TAF1B: variants seen among roughly 807,000 people sequenced by gnomAD.
TAF1B encodes the protein TATA-box binding protein associated factor, RNA polymerase I subunit B.
Under a neutral mutation model 83.9 loss-of-function variants are expected in TAF1B, and 61 were observed. The ratio of observed to expected loss-of-function variants is 0.73; its 90% CI spans 0.59 to 0.90. The LOEUF is 0.90. Ranked by LOEUF, TAF1B falls within the 40% of genes least tolerant of loss-of-function variation. TAF1B has a pLI of 0.00. For synonymous variants in TAF1B, 221 were observed against 224.6 expected (o/e 0.98, Z 0.14); for missense variants, 625 against 677.0 (o/e 0.92, Z 0.85).
intron 5 of TAF1B, among the ~76,000 whole-genome samples, chr2:9,864,133 C>T (rs758794668): frequency 6.6e-5 from 10 of 151,988 alleles, no homozygotes; most frequent in Non-Finnish European, 1.3e-4. Context: ...CACAAAAAAC[C>T]CTTCGAAAAA....
chr2:9,855,964 A>G (rs1663551877), intron 5 of TAF1B, among the ~76,000 whole-genome samples: 1 of 152,196 alleles, frequency 6.6e-6, no homozygotes, highest in African/African-American at 2.4e-5. Flanking sequence ...CAAGTAAGGG[A>G]CCATCTATAG....
intron 8 of TAF1B, among the ~76,000 whole-genome samples, chr2:9,898,428 G>A (rs544238097): frequency 6.6e-6 from 1 of 152,312 alleles, no homozygotes; most frequent in South Asian, 2.1e-4. Flanking sequence ...GGTAGAATTA[G>A]CAGATAACCA....
intron 8 of TAF1B, among the ~76,000 whole-genome samples, chr2:9,896,836 C>G (rs928987830): frequency 6.6e-6 from 1 of 152,102 alleles, no homozygotes; most frequent in Non-Finnish European, 1.5e-5. Flanking sequence ...GAGTCTGAGT[C>G]TTCCTGCCAT....
rs761308886 is a variant in TAF1B at position 9,851,661 on chromosome 2, G to A, written c.303+23G>A. 3 of 1,571,038 alleles carry A rather than the reference G, an allele frequency of 1.9e-6. No homozygotes were observed. In the South Asian group the frequency reaches 3.5e-5, roughly 18 times the overall value. ...AAGGTAAGTACATTTGTGACTAGAT[G>A]TTAGCTTTACATATTTTTGTTTAAA... On this transcript the variant is annotated intron_variant, in intron 4 of 14. Transcript: ENST00000263663.
chr2:9,867,880 A>G (rs749184531), intron 5 of TAF1B, among the ~76,000 whole-genome samples: 3 of 152,252 alleles, frequency 2.0e-5, no homozygotes, highest in Non-Finnish European at 4.4e-5. Flanking sequence ...GGCGTAGTTC[A>G]GGCAGGAGAA....
At chr2:9,859,372 A>C (rs1326416258) in intron 5 of TAF1B, among the ~76,000 whole-genome samples, 1 of 149,530 alleles carries the variant, frequency 6.7e-6, no homozygotes, top group African/African-American at 2.5e-5. Flanking sequence ...TTCATTGTCC[A>C]TATCACTATC....
chr2:9,928,562 A>C (rs1438562241), intron 14 of TAF1B, among the ~76,000 whole-genome samples: 2 of 152,158 alleles, frequency 1.3e-5, no homozygotes, highest in Non-Finnish European at 2.9e-5. Flanking sequence ...TTCTCCTTGA[A>C]GAGATCCTTC....
At chr2:9,924,441 G>A (rs904914825) in intron 14 of TAF1B, among the ~76,000 whole-genome samples, 12 of 152,154 alleles carry the variant, frequency 7.9e-5, no homozygotes, top group African/African-American at 2.7e-4. Flanking sequence ...CAACAATAGG[G>A]GAGCCAACAT....
At chr2:9,864,131 A>C (rs984080956) in intron 5 of TAF1B, among the ~76,000 whole-genome samples, 10 of 152,134 alleles carry the variant, frequency 6.6e-5, no homozygotes, top group Non-Finnish European at 1.2e-4. Flanking sequence ...GACACAAAAA[A>C]CCCTTCGAAA....
At chr2:9,869,311 G>A (rs546243930) in intron 6 of TAF1B, among the ~76,000 whole-genome samples, 3 of 151,926 alleles carry the variant, frequency 2.0e-5, no homozygotes, top group African/African-American at 7.2e-5. Context: ...TGCAACCTCC[G>A]CCTCCCAGGT....
At position 9,852,530 on chromosome 2, in the gene TAF1B, T is replaced by C. The variant is rs1456300831; in HGVS notation, c.303+892T>C. Among the ~76,000 whole-genome samples, 4 of 152,072 alleles carry C rather than the reference T, an allele frequency of 2.6e-5. No individual in the cohort carries two copies. In the South Asian group the frequency reaches 8.3e-4, roughly 32 times the overall value. On this transcript the variant is annotated intron_variant, in intron 4 of 14. Coordinates refer to ENST00000263663, the MANE Select transcript of TAF1B (RefSeq NM_005680.3). ...TTTAAGAGACGGAGTCTCGCTCTGT[T>C]GCCCAGGCTGGAGTGCACTGGCATG...
At chr2:9,885,111 A>G (rs1474402828) in intron 8 of TAF1B, among the ~76,000 whole-genome samples, 1 of 152,206 alleles carries the variant, frequency 6.6e-6, no homozygotes, top group African/African-American at 2.4e-5. Flanking sequence ...GAGAACTAGG[A>G]TAGTGAGAAG....
intron 8 of TAF1B, among the ~76,000 whole-genome samples, chr2:9,887,282 T>C (rs2125158207): frequency 6.6e-6 from 1 of 152,394 alleles, no homozygotes. Flanking sequence ...TTATGTTTAC[T>C]TGCTCTTTGA....
intron 8 of TAF1B, among the ~76,000 whole-genome samples, chr2:9,888,890 G>A (rs1025929583): frequency 2.8e-5 from 4 of 143,082 alleles, no homozygotes; most frequent in Non-Finnish European, 3.0e-5. Flanking sequence ...TGCAACCTTC[G>A]CTTCCTGGGT....
chr2:9,853,626 C>G (rs552025611), intron 4 of TAF1B, among the ~76,000 whole-genome samples: 1 of 152,196 alleles, frequency 6.6e-6, no homozygotes, highest in East Asian at 1.9e-4. Flanking sequence ...TGCCACCATA[C>G]CTGGCTAACT....
At chr2:9,899,510 C>T (rs1313795930) in intron 8 of TAF1B, among the ~76,000 whole-genome samples, 1 of 152,116 alleles carries the variant, frequency 6.6e-6, no homozygotes, top group Admixed American at 6.5e-5. Flanking sequence ...ACATTTGGGT[C>T]GTTTCTACCT....
intron 14 of TAF1B, among the ~76,000 whole-genome samples, chr2:9,921,137 G>C (rs1398294355): frequency 2.6e-5 from 4 of 152,154 alleles, no homozygotes; most frequent in African/African-American, 4.8e-5. Flanking sequence ...TGTCACCCAA[G>C]CTGGAGTACA....
chr2:9,890,228 A>G (rs1227932439), intron 8 of TAF1B, among the ~76,000 whole-genome samples: 1 of 152,114 alleles, frequency 6.6e-6, no homozygotes, highest in Non-Finnish European at 1.5e-5. Context: ...TCTCTAAGGG[A>G]TTAGTGTCCA....
At chr2:9,911,758 G>A (rs1305875652) in intron 11 of TAF1B, among the ~76,000 whole-genome samples, 2 of 152,032 alleles carry the variant, frequency 1.3e-5, no homozygotes, top group Non-Finnish European at 2.9e-5. Context: ...CAGTGAGTCC[G>A]TATTATATGT....
Sources: gnomAD v4.1 joint callset for allele counts (sites outside exome capture counted in the v4.1 genomes callset) on GRCh38, gnomAD v4.1.1 for gene constraint, MANE v1.5 for transcripts, NCBI Gene and HGNC (gene_info 2026-07-23, HGNC 2026-07-21) for gene names.